Variants in CNTN4 observed in about 807,000 individuals in gnomAD.
CNTN4 encodes contactin 4.
In CNTN4, 77 loss-of-function variants were observed where a neutral mutation model predicts 122.5. The observed-to-expected ratio is 0.63, with a 90% CI of 0.52 to 0.76. The LOEUF (loss-of-function observed/expected upper bound fraction) is 0.76, where lower values mean the gene tolerates loss of function less well. CNTN4 is among the 30% of genes least tolerant of loss of function. CNTN4 has a pLI of 0.00. For synonymous variants in CNTN4, 512 were observed against 447.0 expected, an observed-to-expected ratio of 1.15 and a Z score of -1.83; for missense variants, 1,256 against 1,259.1, an observed-to-expected ratio of 1.00 and a Z score of 0.04.
At chr3:2,866,255 T>C (rs2093722841) in intron 7 of CNTN4, among the ~76,000 whole-genome samples, 1 of 152,150 alleles carries the variant, frequency 6.6e-6, no homozygotes, top group Non-Finnish European at 1.5e-5. Flanking sequence ...TTAATGGAAA[T>C]AAAACTATCA....
At position 2,234,017 on chromosome 3, in the gene CNTN4, G is replaced by C. The variant is rs547809915; in HGVS notation, c.-144-105161G>C. On this transcript the variant is annotated intron_variant, in intron 2 of 24. Transcript: ENST00000418658. ...GCAATGCCATATAATTCCTTTCTCT[G>C]TTAGGTATCTAGTAATTTTTCCTTG... 4.2e-4 allele frequency among the ~76,000 whole-genome samples: 64 copies of C among 152,132 alleles called. No homozygotes were observed. In the South Asian group the frequency reaches 5.6e-3, roughly 13 times the overall value.
chr3:2,962,269 T>G (rs2125013169), intron 13 of CNTN4, among the ~76,000 whole-genome samples: 1 of 152,344 alleles, frequency 6.6e-6, no homozygotes. Context: ...CCATTCACTT[T>G]TAAGCCAGAC....
intron 3 of CNTN4, among the ~76,000 whole-genome samples, chr3:2,408,105 G>T (rs951707097): frequency 2.0e-5 from 3 of 152,104 alleles, no homozygotes; most frequent in Non-Finnish European, 4.4e-5. Context: ...TATTCTGATT[G>T]CAGACAACTG....
chr3:2,857,982 G>A (rs1336399289), intron 7 of CNTN4, among the ~76,000 whole-genome samples: 2 of 152,104 alleles, frequency 1.3e-5, no homozygotes, highest in Non-Finnish European at 2.9e-5. Context: ...CTTTGTGTCT[G>A]TATCCTAAAG....
At chr3:2,812,755 A>G (rs764180704) in intron 6 of CNTN4, among the ~76,000 whole-genome samples, 5 of 152,228 alleles carry the variant, frequency 3.3e-5, no homozygotes, top group African/African-American at 1.2e-4. Flanking sequence ...AGTGCTTTAC[A>G]TGCATGATCT....
chr3:2,537,577 T>A (rs1290357694), intron 3 of CNTN4, among the ~76,000 whole-genome samples: 2 of 152,100 alleles, frequency 1.3e-5, no homozygotes, highest in Non-Finnish European at 2.9e-5. Flanking sequence ...TTGTCATATG[T>A]ATCTGCTTGG....
At chr3:2,884,310 A>G (rs948991769) in intron 9 of CNTN4, among the ~76,000 whole-genome samples, 24 of 152,152 alleles carry the variant, frequency 1.6e-4, no homozygotes, top group African/African-American at 5.8e-4. Context: ...TACAGCAATC[A>G]TAGAAGAGGT....
chr3:2,866,475 T>C lies in CNTN4; in HGVS notation c.455-277T>C. ...TGCCTGACACCTGATTAGCAAACTATAAATGCTTAGCCCTTGACTTAAAGA... is the reference window on the plus strand; with the variant it reads ...TGCCTGACACCTGATTAGCAAACTACAAATGCTTAGCCCTTGACTTAAAGA... On this transcript the variant is annotated intron_variant, in intron 7 of 24. Coordinates refer to ENST00000418658, the MANE Select transcript of CNTN4 (RefSeq NM_175607.3). 4.7e-6 allele frequency: 6 copies of C among 1,279,696 alleles called. No homozygotes were observed. The South Asian group carries it at 9.6e-5, about 20-fold the overall frequency. 79.3% of individuals were successfully genotyped at this position (1,279,696 alleles called of 1,614,324 possible).
intron 2 of CNTN4, among the ~76,000 whole-genome samples, chr3:2,132,712 G>A (rs570224538): frequency 1.3e-5 from 2 of 152,058 alleles, no homozygotes; most frequent in Admixed American, 6.6e-5. Flanking sequence ...TTTCTCACTC[G>A]TATTTATATT....
intron 16 of CNTN4, among the ~76,000 whole-genome samples, chr3:3,031,541 C>T (rs1055966165): frequency 6.6e-6 from 1 of 151,922 alleles, no homozygotes; most frequent in Non-Finnish European, 1.5e-5. Context: ...TTGAGATTCT[C>T]TTGAATATTA....
intron 3 of CNTN4, among the ~76,000 whole-genome samples, chr3:2,445,685 C>G (rs937324911): frequency 6.6e-6 from 1 of 151,968 alleles, no homozygotes; most frequent in African/African-American, 2.4e-5. Flanking sequence ...TAGTAATTCA[C>G]CTTTGCATTT....
chr3:2,250,610 G>A (rs960987639), intron 2 of CNTN4, among the ~76,000 whole-genome samples: 7 of 151,866 alleles, frequency 4.6e-5, no homozygotes, highest in Non-Finnish European at 8.8e-5. Flanking sequence ...CACATTACAT[G>A]TATGGAAACA....
intron 2 of CNTN4, among the ~76,000 whole-genome samples, chr3:2,317,634 T>A (rs991158598): frequency 6.6e-6 from 1 of 152,208 alleles, no homozygotes; most frequent in African/African-American, 2.4e-5. Flanking sequence ...TAGTTCATAG[T>A]GAGTTTGAAG....
intron 12 of CNTN4, among the ~76,000 whole-genome samples, chr3:2,920,494 G>T (rs939396286): frequency 6.6e-6 from 1 of 151,664 alleles, no homozygotes; most frequent in Non-Finnish European, 1.5e-5. Flanking sequence ...AACCATTGGG[G>T]GAGACGGGGT....
chr3:2,120,736 C>CA (rs1196399415), intron 2 of CNTN4, among the ~76,000 whole-genome samples: 2 of 151,906 alleles, frequency 1.3e-5, no homozygotes, highest in Non-Finnish European at 2.9e-5. Flanking sequence ...ATGTGACTCT[C>CA]ACGAGTGTGG....
chr3:2,915,074 CT>C (rs59684421), intron 12 of CNTN4, among the ~76,000 whole-genome samples: 1 of 151,874 alleles, frequency 6.6e-6, no homozygotes, highest in Admixed American at 6.6e-5. Context: ...AATACCATGT[CT>C]TTTTTGTTTG....
At chr3:2,871,541 T>C (rs988023011) in intron 8 of CNTN4, among the ~76,000 whole-genome samples, 3 of 151,968 alleles carry the variant, frequency 2.0e-5, no homozygotes, top group Non-Finnish European at 4.4e-5. Context: ...AAACATAGAG[T>C]TTTCAAATTT....
At chr3:2,878,965 T>C (rs57718634) in intron 8 of CNTN4, among the ~76,000 whole-genome samples, 39,131 of 152,002 alleles carry the variant, frequency 0.26, 5,128 homozygotes, top group Middle Eastern at 0.35. Context: ...GCATTATTGG[T>C]AATAGCTAAA....
intron 18 of CNTN4, 120 bp from the exon 19 acceptor site, chr3:3,038,811 CAG>C (rs1699868261): frequency 1.4e-6 from 1 of 740,334 alleles, no homozygotes; most frequent in Non-Finnish European, 2.4e-6. Context: ...TGCTGATCTC[CAG>C]AGACAAAGGG....
Sources: gnomAD v4.1 joint callset for allele counts (sites outside exome capture counted in the v4.1 genomes callset) on GRCh38, gnomAD v4.1.1 for gene constraint, MANE v1.5 for transcripts, NCBI Gene and HGNC (gene_info 2026-07-23, HGNC 2026-07-21) for gene names.